The following MYO5B variants were observed in gnomAD, a reference collection of about 807,000 sequenced individuals.
MYO5B encodes the protein myosin VB.
A neutral mutation model predicts 229.3 loss-of-function variants in MYO5B; 143 were observed. The observed-to-expected ratio is 0.62, with a 90% CI of 0.54 to 0.72. MYO5B has a LOEUF of 0.72. MYO5B is among the 30% of genes least tolerant of loss of function. The probability of loss-of-function intolerance (pLI) is 0.00; values close to 1 mark genes in which losing one functional copy is unlikely to be tolerated. For synonymous variants in MYO5B, 918 were observed against 885.2 expected, an observed-to-expected ratio of 1.04 and a Z score of -0.66; for missense variants, 2,321 against 2,331.0, an observed-to-expected ratio of 1.00 and a Z score of 0.09.
At chr18:50,085,282 G>A (rs1290130138) in intron 1 of MYO5B, among the ~76,000 whole-genome samples, 2 of 152,114 alleles carry the variant, frequency 1.3e-5, no homozygotes, top group Non-Finnish European at 2.9e-5. Flanking sequence ...CTCAAAAGAA[G>A]ACATTTATGC....
chr18:49,870,495 C>A (rs1332257914), intron 27 of MYO5B, among the ~76,000 whole-genome samples: 1 of 152,008 alleles, frequency 6.6e-6, no homozygotes, highest in African/African-American at 2.4e-5. Flanking sequence ...AAAAGATGAC[C>A]CACAGAATGG....
chr18:49,900,494 C>T (rs976847781), intron 21 of MYO5B, among the ~76,000 whole-genome samples: 2 of 152,228 alleles, frequency 1.3e-5, no homozygotes, highest in African/African-American at 4.8e-5. Context: ...TCTCAGAAAG[C>T]CTTGTCTTTT....
chr18:49,934,800 G>A (rs1457424303), intron 16 of MYO5B, among the ~76,000 whole-genome samples: 1 of 152,190 alleles, frequency 6.6e-6, no homozygotes, highest in African/African-American at 2.4e-5. Flanking sequence ...TTTCCACACA[G>A]AGCCCATCTG....
intron 1 of MYO5B, among the ~76,000 whole-genome samples, chr18:50,057,958 T>C (rs2030592584): frequency 6.6e-6 from 1 of 152,176 alleles, no homozygotes; most frequent in Non-Finnish European, 1.5e-5. Context: ...ACTGCAGCTA[T>C]GGGACAAATC....
intron 1 of MYO5B, among the ~76,000 whole-genome samples, chr18:50,096,436 TC>T (rs1421768458): frequency 1.3e-5 from 2 of 152,012 alleles, no homozygotes; most frequent in African/African-American, 4.8e-5. Flanking sequence ...CTTCAGCCTC[TC>T]CCCCCTCCAA....
At chr18:50,058,602 G>T (rs1214389724) in intron 1 of MYO5B, among the ~76,000 whole-genome samples, 1 of 152,206 alleles carries the variant, frequency 6.6e-6, no homozygotes. Flanking sequence ...TTTGAGGTCA[G>T]GAGTTCGAAA....
intron 1 of MYO5B, among the ~76,000 whole-genome samples, chr18:50,173,368 T>G (rs1271294784): frequency 6.6e-6 from 1 of 151,686 alleles, no homozygotes; most frequent in Non-Finnish European, 1.5e-5. Flanking sequence ...GGGCCCAGAT[T>G]ACAGGAGGCC....
rs533703402 is a variant in MYO5B at position 49,974,206 on chromosome 18, A to T, written c.1322+144T>A. The stretch of plus-strand genomic sequence containing the variant: ...TCAGGCCCCATCATTGTGTCAACTA[A>T]TCAACTAAAAATGGCCCCACACATT... On this transcript the variant is annotated intron_variant, in intron 10 of 39. Transcript: ENST00000285039. 1.2e-5 allele frequency: 15 copies of T among 1,203,996 alleles called. No homozygotes were observed. In the South Asian group the frequency reaches 1.8e-4, roughly 14 times the overall value. 74.6% of individuals were successfully genotyped at this position (1,203,996 alleles called of 1,614,324 possible).
At chr18:50,059,369 G>A (rs1568090329) in intron 1 of MYO5B, among the ~76,000 whole-genome samples, 1 of 152,220 alleles carries the variant, frequency 6.6e-6, no homozygotes, top group East Asian at 1.9e-4. Context: ...CTAATGGGGT[G>A]ATGTGACCAA....
chr18:50,139,617 G>C (rs2032387171), intron 1 of MYO5B, among the ~76,000 whole-genome samples: 1 of 152,164 alleles, frequency 6.6e-6, no homozygotes, highest in Non-Finnish European at 1.5e-5. Context: ...GCCCAGCAGA[G>C]GACCCAGCCT....
At chr18:49,833,733 T>TA (rs1244348134) in intron 39 of MYO5B, among the ~76,000 whole-genome samples, 2 of 152,186 alleles carry the variant, frequency 1.3e-5, no homozygotes, top group Non-Finnish European at 2.9e-5. Context: ...TTGTATAAAT[T>TA]ATCAGCCCTC....
In MYO5B at chr18:49,921,335, G is replaced by C. The variant is rs150408246; in HGVS notation, c.2090+8177C>G. ...ACACACACACTTTTCGGGGTAAGCA[G>C]TATTTGCTTCACAATTTCTCCAGGA... On this transcript the variant is annotated intron_variant, in intron 17 of 39. Coordinates refer to ENST00000285039, the MANE Select transcript of MYO5B (RefSeq NM_001080467.3). Among the ~76,000 whole-genome samples, 7 of 148,132 alleles carry C rather than the reference G, an allele frequency of 4.7e-5. No homozygotes were observed. The East Asian group carries it at 1.4e-3, about 30-fold the overall frequency.
chr18:49,855,029 T>G (rs1489978733), intron 30 of MYO5B, among the ~76,000 whole-genome samples: 1 of 152,142 alleles, frequency 6.6e-6, no homozygotes, highest in Non-Finnish European at 1.5e-5. Context: ...AACATGAGAT[T>G]TGTGGAGGAT....
At chr18:50,045,115 G>A (rs536258276) in intron 2 of MYO5B, among the ~76,000 whole-genome samples, 13 of 152,226 alleles carry the variant, frequency 8.5e-5, no homozygotes, top group East Asian at 1.9e-4. Context: ...ACATTGTCAC[G>A]GTTAAGAGTC....
At chr18:50,131,333 T>C (rs1217779897) in intron 1 of MYO5B, among the ~76,000 whole-genome samples, 1 of 152,120 alleles carries the variant, frequency 6.6e-6, no homozygotes, top group South Asian at 2.1e-4. Context: ...TCCCACTCCA[T>C]CCAAGCACAT....
intron 1 of MYO5B, among the ~76,000 whole-genome samples, chr18:50,129,949 C>G (rs914132876): frequency 3.9e-5 from 6 of 152,094 alleles, no homozygotes; most frequent in African/African-American, 1.4e-4. Flanking sequence ...CTTTTTTTCC[C>G]AATGACCACC....
rs953585117 is a variant in MYO5B, at chr18:49,894,030, G to A, written c.3045+911C>T. The stretch of plus-strand genomic sequence containing the variant: ...TATACACACAGATGAGGGAACTAAG[G>A]CCAGTGAGGCTTTCTGCACATGCTT... On this transcript the variant is annotated intron_variant, in intron 22 of 39. Transcript: ENST00000285039. Among the ~76,000 whole-genome samples the A allele has an allele frequency of 2.0e-5, 3 of 152,306 alleles. No individual in the cohort carries two copies. In the South Asian group the frequency reaches 6.2e-4, roughly 32 times the overall value.
intron 1 of MYO5B, among the ~76,000 whole-genome samples, chr18:50,098,350 G>A (rs1213686786): frequency 6.6e-6 from 1 of 152,094 alleles, no homozygotes; most frequent in Admixed American, 6.6e-5. Flanking sequence ...GGAGTTACAG[G>A]CTCCAAACTT....
intron 17 of MYO5B, among the ~76,000 whole-genome samples, chr18:49,921,096 C>A (rs141389647): frequency 6.6e-6 from 1 of 152,092 alleles, no homozygotes; most frequent in Non-Finnish European, 1.5e-5. Context: ...GGAAGCAGGC[C>A]GCTTCTAAAG....
Sources: allele counts gnomAD v4.1 joint callset (sites outside exome capture counted in the v4.1 genomes callset), GRCh38; gene constraint gnomAD v4.1.1; transcripts MANE v1.5; gene names NCBI Gene and HGNC (gene_info 2026-07-23, HGNC 2026-07-21).